SLC34A2: variants seen among roughly 807,000 people sequenced by gnomAD.
SLC34A2 encodes sodium-dependent phosphate transport protein 2B.
In SLC34A2, 41 loss-of-function variants were observed where a neutral mutation model predicts 50.8. The ratio of observed to expected loss-of-function variants is 0.81; its 90% CI spans 0.63 to 1.05. The LOEUF (loss-of-function observed/expected upper bound fraction) is 1.05. Ranked by LOEUF, SLC34A2 falls within the 50% of genes least tolerant of loss-of-function variation. The pLI is 0.00. For missense variants in SLC34A2, 879 were observed against 876.7 expected, an observed-to-expected ratio of 1.00 and a Z score of -0.03; for synonymous variants, 401 against 364.2, an observed-to-expected ratio of 1.10 and a Z score of -1.15.
chr4:25,666,435 C>A (rs1482838339), intron 5 of SLC34A2, among the ~76,000 whole-genome samples, 164 bp downstream of exon 5: 1 of 152,194 alleles, frequency 6.6e-6, no homozygotes, highest in Non-Finnish European at 1.5e-5. Context: ...TGATCCAAGG[C>A]AACTTCCTGT....
rs769087826 is a variant in SLC34A2 at position 25,674,278 on chromosome 4, C to G, written c.1217-18C>G. On this transcript the variant is annotated intron_variant, in intron 10 of 12. Transcript: ENST00000382051. ...CTTCCCCGGAGAGGCCATGACATCT[C>G]TTCCTTCTGTCTTCCAGATTTCCCC... 1.2e-6 allele frequency: 2 copies of G among 1,605,938 alleles called. No homozygotes were observed. Among genetic ancestry groups the G allele is most frequent in the Admixed American group, 1.7e-5 (1 of 59,992 alleles).
In SLC34A2 at chr4:25,666,270, A is replaced by C. The variant is rs772925490; in HGVS notation, c.522A>C (p.Ser174=). ...TCGTTGTCAGCATGGTGTCCTCTTC[A>C]TGTGAGTCGGGGCACCCATGAGCCC... ...TSIVVSMVSS[S]LLTVRAAIPI... Residue 174 remains serine (S), a splice_region_variant and synonymous_variant, in exon 5 of 13, where the codon TCA becomes TCC. Coordinates refer to ENST00000382051, the MANE Select transcript of SLC34A2 (RefSeq NM_006424.3). The C allele has an allele frequency of 1.2e-6, 2 of 1,613,578 alleles. No homozygotes were observed. The highest frequency in any genetic ancestry group is 1.7e-5 in the Admixed American group (1 of 59,982).
intron 9 of SLC34A2, among the ~76,000 whole-genome samples, chr4:25,672,300 G>A (rs115454474): frequency 2.0e-5 from 3 of 152,272 alleles, no homozygotes; most frequent in African/African-American, 4.8e-5. Context: ...TTAGGGAGAC[G>A]ACAACCCGAT....
intron 1 of SLC34A2, among the ~76,000 whole-genome samples, chr4:25,661,976 G>A (rs1007228509): frequency 6.6e-6 from 1 of 151,692 alleles, no homozygotes; most frequent in Non-Finnish European, 1.5e-5. Context: ...AGGTTCAAGC[G>A]ATTCTCCTGT....
At position 25,667,725 on chromosome 4, in the gene SLC34A2, T is replaced by C. The variant is rs141277341; in HGVS notation, c.524-155T>C. On this transcript the variant is annotated intron_variant, in intron 5 of 12. Coordinates refer to ENST00000382051, the MANE Select transcript of SLC34A2 (RefSeq NM_006424.3). The stretch of plus-strand genomic sequence containing the variant: ...TAGAAAGGCACTTTCTTCAGATTCA[T>C]AGTGAGGTGCAGAGTGAGGTGCAAA... 2.1e-3 allele frequency among the ~76,000 whole-genome samples: 324 copies of C among 152,234 alleles called. 2 individuals carry two copies. The highest frequency in any genetic ancestry group is 7.2e-3 in the African/African-American group (301 of 41,532).
In SLC34A2 at chr4:25,678,367, A is replaced by G. The variant is rs1279184597; in HGVS notation, c.*1618A>G. The G allele has an allele frequency of 6.4e-6, 1 of 155,770 alleles. No homozygotes were observed. Among genetic ancestry groups the G allele is most frequent in the Non-Finnish European group, 1.4e-5 (1 of 70,076 alleles). 9.6% of individuals were successfully genotyped at this position (155,770 alleles called of 1,614,324 possible). A position where few individuals can be genotyped will look rare whatever the true frequency, so the allele number is the denominator to read the frequency against. On this transcript the variant is annotated 3_prime_UTR_variant, in exon 13 of 13. Transcript: ENST00000382051. Reference sequence around the variant, plus strand: ...GTGCTTCTAGTGCTCTCATTTGGAAATGAGGCAGGCTTCTTCTATGAAATG... The same window carrying G: ...GTGCTTCTAGTGCTCTCATTTGGAAGTGAGGCAGGCTTCTTCTATGAAATG...
rs554030310 is a variant in SLC34A2 at position 25,662,811 on chromosome 4, C to T, written c.219C>T (p.Pro73=). The change falls in exon 3 of 13, where the codon CCC becomes CCT. Residue 73 remains proline (P), a synonymous_variant. Coordinates refer to ENST00000382051, the MANE Select transcript of SLC34A2 (RefSeq NM_006424.3). The part of the protein sequence containing the change: ...PTEVDDPWNL[P]TLQDSGIKWS... ...AGGTGGATGACCCCTGGAACCTACCCACTCTTCAGGACTCGGGGATCAAGT... is the reference window on the plus strand; with the variant it reads ...AGGTGGATGACCCCTGGAACCTACCTACTCTTCAGGACTCGGGGATCAAGT... The T allele has an allele frequency of 4.5e-5, 72 of 1,614,086 alleles. No individual in the cohort carries two copies. Among genetic ancestry groups the T allele is most frequent in the South Asian group, 3.1e-4 (28 of 91,062 alleles).
At chr4:25,673,060 C>A in intron 9 of SLC34A2, 27 bp from the exon 10 acceptor site, 1 of 1,613,718 alleles carries the variant, frequency 6.2e-7, no homozygotes, top group Non-Finnish European at 8.5e-7. Flanking sequence ...CCATGCCCTC[C>A]TGACAAGATT....
rs1324991208 is a variant in SLC34A2 at position 25,676,718 on chromosome 4, C to G, written c.2042C>G (p.Ser681Trp). The change falls in exon 13 of 13, where the codon TCG becomes TGG. Residue 681 changes from serine (S) to tryptophan (W), a missense_variant. Physicochemically the swap from Ser to Trp is radical, Grantham distance 177. Transcript: ENST00000382051. ...SREAQGEVPA[S>W]DSKTECTAL ...GAGGCTCAGGGTGAGGTCCCTGCCT[C>G]GGACTCAAAGACCGAATGCACGGCC... The G allele has an allele frequency of 6.2e-7, 1 of 1,614,044 alleles. No individual in the cohort carries two copies. The highest frequency in any genetic ancestry group is 8.5e-7 in the Non-Finnish European group (1 of 1,180,026).
intron 5 of SLC34A2, 90 bp downstream of exon 5, chr4:25,666,361 AAT>A: frequency 6.9e-7 from 1 of 1,452,536 alleles, no homozygotes; most frequent in South Asian, 1.2e-5. Flanking sequence ...ATTCACTCTG[AAT>A]ATGTCCAGGC....
intron 1 of SLC34A2, among the ~76,000 whole-genome samples, chr4:25,660,483 T>C (rs751925824): frequency 1.8e-4 from 27 of 152,248 alleles, no homozygotes; most frequent in Non-Finnish European, 3.8e-4. Flanking sequence ...CAGCATAGCA[T>C]AATGAACTTA....
intron 1 of SLC34A2, among the ~76,000 whole-genome samples, chr4:25,660,203 C>T (rs1349368017): frequency 6.6e-6 from 1 of 152,178 alleles, no homozygotes; most frequent in Non-Finnish European, 1.5e-5. Flanking sequence ...AAGACAAAGT[C>T]CACTTTTTGG....
At chr4:25,665,915 G>C (rs561377382) in intron 4 of SLC34A2, among the ~76,000 whole-genome samples, 1 of 152,244 alleles carries the variant, frequency 6.6e-6, no homozygotes, top group East Asian at 1.9e-4. Flanking sequence ...CAGGAGGCAC[G>C]TGTGGGCAGC....
chr4:25,666,068 C>T (rs2109052740), intron 4 of SLC34A2, 60 bp from the exon 5 acceptor site: 1 of 1,601,046 alleles, frequency 6.2e-7, no homozygotes, highest in Non-Finnish European at 8.5e-7. Flanking sequence ...TACTCAGTGC[C>T]CACCTAATCC....
chr4:25,672,548 A>G (rs1021618205), intron 9 of SLC34A2, among the ~76,000 whole-genome samples: 1 of 152,078 alleles, frequency 6.6e-6, no homozygotes, highest in Non-Finnish European at 1.5e-5. Context: ...TCACCCTCCC[A>G]CCACATTAAT....
rs772355659 is a variant in SLC34A2, at chr4:25,674,311, TTGCA to T, written c.1235_1238del (p.Ala412GlyfsTer2). The T allele has an allele frequency of 1.1e-5, 18 of 1,614,034 alleles. No homozygotes were observed. The highest frequency in any genetic ancestry group is 1.4e-5 in the Non-Finnish European group (17 of 1,179,922). On this transcript the variant is annotated frameshift_variant, in exon 11 of 13. Transcript: ENST00000382051. LOFTEE classifies it high-confidence loss of function. ...TGTCTTCCAGATTTCCCCTTTCCCT[TTGCA>T]TGGTTGACTGGCTACCTGGCCATCC... is the stretch of plus-strand genomic sequence containing the variant.
In SLC34A2 at chr4:25,667,860, G is replaced by T; in HGVS notation, c.524-20G>T. On this transcript the variant is annotated intron_variant, in intron 5 of 12. Coordinates refer to ENST00000382051, the MANE Select transcript of SLC34A2 (RefSeq NM_006424.3). ...AGGCTGCCTTTCTAAGCTTGCTAAT[G>T]GTACTTTTCCATCCTCTAGTGCTCA... 3 of 1,543,378 alleles carry T rather than the reference G, an allele frequency of 1.9e-6. No individual in the cohort carries two copies. Among genetic ancestry groups the T allele is most frequent in the Non-Finnish European group, 2.7e-6 (3 of 1,115,746 alleles).
rs148403466 is a variant in SLC34A2 at position 25,669,711 on chromosome 4, G to T, written c.700G>T (p.Val234Leu). 2 of 1,614,178 alleles carry T rather than the reference G, an allele frequency of 1.2e-6. No homozygotes were observed. The highest frequency in any genetic ancestry group is 2.2e-5 in the South Asian group (2 of 91,080). The stretch of plus-strand genomic sequence containing the variant: ...GCTGTCCGTGTTGGTGCTCTTGCCC[G>T]TGGAGGTGGCCACCCATTACCTCGA... Reference protein sequence around the residue: ...NWLSVLVLLPVEVATHYLEII... With the variant: ...NWLSVLVLLPLEVATHYLEII... The change falls in exon 7 of 13, where the codon GTG becomes TTG. Residue 234 changes from valine to leucine, a missense_variant. Physicochemically the swap from Val to Leu is conservative, Grantham distance 32. Coordinates refer to ENST00000382051, the MANE Select transcript of SLC34A2 (RefSeq NM_006424.3).
chr4:25,670,596 TAG>T, intron 7 of SLC34A2, 140 bp from the exon 8 acceptor site: 1 of 696,464 alleles, frequency 1.4e-6, no homozygotes, highest in Admixed American at 2.1e-5. Context: ...CCTCTGCAGA[TAG>T]AGTGAGTCCC....
Sources: allele counts gnomAD v4.1 joint callset (sites outside exome capture counted in the v4.1 genomes callset), GRCh38; gene constraint gnomAD v4.1.1; transcripts MANE v1.5; gene names NCBI Gene and HGNC (gene_info 2026-07-23, HGNC 2026-07-21).